The following GABRB1 variants were observed in gnomAD, a reference collection of about 807,000 sequenced individuals.
The protein encoded by GABRB1 is gamma-aminobutyric acid receptor subunit beta-1.
In GABRB1, 17 loss-of-function variants were observed where a neutral mutation model predicts 51.6. The ratio of observed to expected loss-of-function variants is 0.33; its 90% CI spans 0.23 to 0.49. The LOEUF (loss-of-function observed/expected upper bound fraction) is 0.49, where lower values mean the gene tolerates loss of function less well. Ranked by LOEUF, GABRB1 falls within the 20% of genes least tolerant of loss-of-function variation. GABRB1 has a pLI of 0.99. For missense variants in GABRB1, 410 were observed against 600.6 expected (o/e 0.68, Z 3.32); for synonymous variants, 247 against 218.9 (o/e 1.13, Z -1.14).
chr4:47,113,042 T>C (rs569269046), intron 3 of GABRB1, among the ~76,000 whole-genome samples: 12 of 152,088 alleles, frequency 7.9e-5, no homozygotes, highest in Non-Finnish European at 1.2e-4. Flanking sequence ...ATGGGAAAGG[T>C]ATACAGGAAT....
rs145901842 is a variant in GABRB1, at chr4:47,313,845, C to G, written c.462-6282C>G. On this transcript the variant is annotated intron_variant, in intron 4 of 8. Transcript: ENST00000295454. The stretch of plus-strand genomic sequence containing the variant: ...GAGAGTCCTGTGGGTCTTTGGTGAC[C>G]ATATTTGTATTTGTGTATTAGTGCT... Among the ~76,000 whole-genome samples, 1,310 of 152,102 alleles carry G rather than the reference C, an allele frequency of 8.6e-3. 12 individuals carry two copies. The highest frequency in any genetic ancestry group is 0.017 in the South Asian group (82 of 4,822).
intron 3 of GABRB1, among the ~76,000 whole-genome samples, chr4:47,154,454 T>C (rs1451785400): frequency 6.6e-6 from 1 of 152,024 alleles, no homozygotes; most frequent in Admixed American, 6.6e-5. Context: ...ATTTCTCCCT[T>C]TTTAAAAGTC....
intron 4 of GABRB1, among the ~76,000 whole-genome samples, chr4:47,194,306 T>C (rs189089286): frequency 7.8e-4 from 119 of 152,320 alleles, no homozygotes; most frequent in Non-Finnish European, 1.3e-3. Context: ...AACTACACAA[T>C]AATATACATA....
chr4:47,076,007 G>A lies in GABRB1; in HGVS notation c.240+43523G>A, dbSNP rs530624242. 9.2e-5 allele frequency among the ~76,000 whole-genome samples: 14 copies of A among 152,300 alleles called. No homozygotes were observed. The East Asian group carries it at 2.5e-3, about 27-fold the overall frequency. On this transcript the variant is annotated intron_variant, in intron 3 of 8. Transcript: ENST00000295454. ...GTATGATTTCTGTAATCCTTGTGCA[G>A]ATGAGGTTACCTCATGTCCCTGAGT...
Position 47,275,882 on chromosome 4 carries a change from A to G in GABRB1, c.462-44245A>G, listed in dbSNP as rs530577026. Among the ~76,000 whole-genome samples the G allele has an allele frequency of 1.6e-4, 24 of 152,312 alleles. No homozygotes were observed. In the South Asian group the frequency reaches 5.0e-3, roughly 32 times the overall value. ...AACAGAACCAGTAGTATTTCTGCTG[A>G]TCCCTCATGTAACTGTGTTAGTGAA... is the stretch of plus-strand genomic sequence containing the variant. On this transcript the variant is annotated intron_variant, in intron 4 of 8. Transcript: ENST00000295454.
At chr4:47,400,355 AG>A (rs2110047879) in intron 5 of GABRB1, among the ~76,000 whole-genome samples, 1 of 152,294 alleles carries the variant, frequency 6.6e-6, no homozygotes, top group East Asian at 1.9e-4. Flanking sequence ...ACCTAAATCT[AG>A]TTGTTCCACT....
At chr4:47,068,119 C>A (rs561951242) in intron 3 of GABRB1, among the ~76,000 whole-genome samples, 11 of 152,256 alleles carry the variant, frequency 7.2e-5, no homozygotes, top group African/African-American at 2.4e-4. Context: ...ATGAACCAAC[C>A]TTTGCTAGCT....
chr4:47,392,132 C>T (rs146634724), intron 5 of GABRB1, among the ~76,000 whole-genome samples: 3 of 150,724 alleles, frequency 2.0e-5, no homozygotes, highest in Non-Finnish European at 2.9e-5. Flanking sequence ...GAGTGCTAAA[C>T]GGGCAGATGT....
chr4:47,283,903 A>T (rs1723400633), intron 4 of GABRB1, among the ~76,000 whole-genome samples: 1 of 151,962 alleles, frequency 6.6e-6, no homozygotes, highest in Non-Finnish European at 1.5e-5. Context: ...CAAAAGACGG[A>T]TTGTCAAGCT....
intron 5 of GABRB1, among the ~76,000 whole-genome samples, chr4:47,397,712 G>A (rs1409254429): frequency 1.3e-5 from 2 of 151,954 alleles, no homozygotes; most frequent in Non-Finnish European, 2.9e-5. Flanking sequence ...GATTACAGGT[G>A]CCTGCCACCA....
intron 3 of GABRB1, among the ~76,000 whole-genome samples, chr4:47,056,682 CA>C (rs939718616): frequency 2.0e-5 from 3 of 150,698 alleles, no homozygotes; most frequent in Non-Finnish European, 4.4e-5. Flanking sequence ...AGAAGGGCTA[CA>C]AAAAAAAGGA....
chr4:47,304,175 G>A (rs1724364030), intron 4 of GABRB1, among the ~76,000 whole-genome samples: 1 of 151,910 alleles, frequency 6.6e-6, no homozygotes, highest in African/African-American at 2.4e-5. Flanking sequence ...CGGATTGCAG[G>A]ATCATATGGT....
At chr4:47,296,585 T>A (rs369654411) in intron 4 of GABRB1, among the ~76,000 whole-genome samples, 1 of 152,034 alleles carries the variant, frequency 6.6e-6, no homozygotes, top group Non-Finnish European at 1.5e-5. Context: ...TGCACCCAAT[T>A]CAGGAGCACC....
intron 5 of GABRB1, among the ~76,000 whole-genome samples, chr4:47,397,396 C>A (rs1728213124): frequency 6.6e-6 from 1 of 152,178 alleles, no homozygotes; most frequent in African/African-American, 2.4e-5. Context: ...TAATTTGAGG[C>A]ACCACTTTTA....
intron 3 of GABRB1, among the ~76,000 whole-genome samples, chr4:47,108,468 C>G (rs1715071762): frequency 2.0e-5 from 3 of 151,928 alleles, no homozygotes; most frequent in Admixed American, 2.0e-4. Context: ...TGGATTTTGA[C>G]TTTTTATTTC....
Position 47,120,398 on chromosome 4 carries a change from T to C in GABRB1, c.241-40851T>C, listed in dbSNP as rs75646080. 2.9e-4 allele frequency among the ~76,000 whole-genome samples: 44 copies of C among 152,306 alleles called. 2 individuals are homozygous for C. The East Asian group carries it at 8.5e-3, about 29-fold the overall frequency. Reference sequence around the variant, plus strand: ...ACTCCCCTGTGGCCCAGGGCTGGTCTAGAAATGCCATCCATGAGCCAAGGT... The same window carrying C: ...ACTCCCCTGTGGCCCAGGGCTGGTCCAGAAATGCCATCCATGAGCCAAGGT... On this transcript the variant is annotated intron_variant, in intron 3 of 8. Coordinates refer to ENST00000295454, the MANE Select transcript of GABRB1 (RefSeq NM_000812.4).
chr4:47,034,618 T>C (rs1235027312), intron 3 of GABRB1, among the ~76,000 whole-genome samples: 1 of 152,194 alleles, frequency 6.6e-6, no homozygotes, highest in Non-Finnish European at 1.5e-5. Flanking sequence ...GATTTACTTG[T>C]TCTTTCTTGT....
At chr4:47,347,666 T>G (rs927439840) in intron 5 of GABRB1, among the ~76,000 whole-genome samples, 1 of 152,210 alleles carries the variant, frequency 6.6e-6, no homozygotes, top group Non-Finnish European at 1.5e-5. Context: ...TTGCTTACAT[T>G]TGCAAATATA....
intron 4 of GABRB1, among the ~76,000 whole-genome samples, chr4:47,178,799 A>C (rs1224088259): frequency 4.6e-5 from 7 of 152,114 alleles, no homozygotes; most frequent in African/African-American, 1.7e-4. Flanking sequence ...AAGCTTAAGA[A>C]AATTAGGAAC....
Sources: gnomAD v4.1 joint callset for allele counts (sites outside exome capture counted in the v4.1 genomes callset) on GRCh38, gnomAD v4.1.1 for gene constraint, MANE v1.5 for transcripts, NCBI Gene and HGNC (gene_info 2026-07-23, HGNC 2026-07-21) for gene names.